Variants in SCNN1B observed in about 807,000 individuals in gnomAD.
SCNN1B encodes epithelial sodium channel subunit beta.
SCNN1B carries 46 observed loss-of-function variants against 65.3 expected under a neutral mutation model. The observed-to-expected ratio is 0.70, with a 90% CI of 0.56 to 0.90. The LOEUF (loss-of-function observed/expected upper bound fraction) is 0.90, where lower values mean the gene tolerates loss of function less well. Ranked by LOEUF, SCNN1B falls within the 40% of genes least tolerant of loss-of-function variation. The pLI is 0.00. For missense variants in SCNN1B, 751 were observed against 830.5 expected, an observed-to-expected ratio of 0.90 and a Z score of 1.18; for synonymous variants, 349 against 330.6, an observed-to-expected ratio of 1.06 and a Z score of -0.60.
intron 1 of SCNN1B, among the ~76,000 whole-genome samples, chr16:23,340,762 A>G (rs1412751008): frequency 1.3e-5 from 2 of 152,202 alleles, no homozygotes; most frequent in Non-Finnish European, 2.9e-5. Context: ...CCTTAATCCA[A>G]TGATCGGTAG....
At chr16:23,303,529 A>C (rs1781457969) in intron 1 of SCNN1B, among the ~76,000 whole-genome samples, 1 of 152,114 alleles carries the variant, frequency 6.6e-6, no homozygotes, top group South Asian at 2.1e-4. Context: ...CCCAAAGGTA[A>C]ACACCTTCAT....
chr16:23,380,935 A>G lies in SCNN1B; in HGVS notation c.*134A>G. 1.0e-6 allele frequency: 1 copy of G among 968,910 alleles called. No individual in the cohort carries two copies. 60.0% of individuals were successfully genotyped at this position (968,910 alleles called of 1,614,324 possible). A position where few individuals can be genotyped will look rare whatever the true frequency, so the allele number is the denominator to read the frequency against. ...CAGGCCAGAGCTTGTGTCCTTCAACAGAGAGGCCAGCGGCAACTGGTCCGT... is the reference window on the plus strand; with the variant it reads ...CAGGCCAGAGCTTGTGTCCTTCAACGGAGAGGCCAGCGGCAACTGGTCCGT... On this transcript the variant is annotated 3_prime_UTR_variant, in exon 13 of 13. Coordinates refer to ENST00000343070, the MANE Select transcript of SCNN1B (RefSeq NM_000336.3). The surrounding 1 kb of genome is among the most constrained non-coding windows in gnomAD (Gnocchi z 5.4).
At chr16:23,338,717 G>A (rs544976877) in intron 1 of SCNN1B, among the ~76,000 whole-genome samples, 6 of 152,180 alleles carry the variant, frequency 3.9e-5, no homozygotes, top group Non-Finnish European at 7.3e-5. Context: ...TCCAAGGAGA[G>A]CAGCTGCTAG....
At chr16:23,295,160 G>A (rs916039311) in intron 2 of SCNN1B, among the ~76,000 whole-genome samples, 2 of 152,092 alleles carry the variant, frequency 1.3e-5, no homozygotes, top group East Asian at 3.8e-4. Flanking sequence ...TTTTTGCCTT[G>A]TTGACCGGTG....
rs762681084 is a variant in SCNN1B, at chr16:23,378,783, G to A, written c.1466+16G>A. On this transcript the variant is annotated intron_variant, in intron 11 of 12. Coordinates refer to ENST00000343070, the MANE Select transcript of SCNN1B (RefSeq NM_000336.3). The stretch of plus-strand genomic sequence containing the variant: ...CCCTGAGCAGGTGAGCCTGAGCCTG[G>A]GCGGGGCTGGGGAAGACAGGGAAGG... 1.2e-6 allele frequency: 2 copies of A among 1,613,668 alleles called. No homozygotes were observed. The highest frequency in any genetic ancestry group is 1.7e-5 in the Admixed American group (1 of 60,012).
At chr16:23,325,349 C>T (rs1016164550) in intron 1 of SCNN1B, among the ~76,000 whole-genome samples, 2 of 152,030 alleles carry the variant, frequency 1.3e-5, no homozygotes, top group African/African-American at 4.8e-5. Flanking sequence ...TCATTGCAAC[C>T]TCCGCCTCCC....
chr16:23,374,920 C>T (rs1430045814), intron 7 of SCNN1B, among the ~76,000 whole-genome samples: 1 of 152,140 alleles, frequency 6.6e-6, no homozygotes, highest in Admixed American at 6.5e-5. Context: ...TCCATCCGTG[C>T]AGCGCTTCCT....
intron 2 of SCNN1B, among the ~76,000 whole-genome samples, chr16:23,287,650 G>T (rs1960868954): frequency 6.6e-6 from 1 of 152,062 alleles, no homozygotes; most frequent in South Asian, 2.1e-4. Flanking sequence ...GGATGAGGAA[G>T]GAGGATCACC....
rs914503919 is a variant in SCNN1B at position 23,339,716 on chromosome 16, G to A, written c.-8-8876G>A. Among the ~76,000 whole-genome samples the A allele has an allele frequency of 3.3e-5, 5 of 151,942 alleles. No homozygotes were observed. The East Asian group carries it at 9.7e-4, about 29-fold the overall frequency. On this transcript the variant is annotated intron_variant, in intron 1 of 12. Coordinates refer to ENST00000343070, the MANE Select transcript of SCNN1B (RefSeq NM_000336.3). Reference sequence around the variant, plus strand: ...AAGTAGCTGGGATTACAGGCGTGTGGCACCACTCCCAGCTAATTTTTTTGT... The same window carrying A: ...AAGTAGCTGGGATTACAGGCGTGTGACACCACTCCCAGCTAATTTTTTTGT...
intron 4 of SCNN1B, among the ~76,000 whole-genome samples, chr16:23,360,336 G>A (rs899200541): frequency 6.6e-6 from 1 of 152,048 alleles, no homozygotes; most frequent in Non-Finnish European, 1.5e-5. Context: ...AGGAGTTTAA[G>A]ACCAACCTGA....
intron 1 of SCNN1B, among the ~76,000 whole-genome samples, chr16:23,344,948 C>T (rs893900316): frequency 6.6e-6 from 1 of 151,948 alleles, no homozygotes; most frequent in Non-Finnish European, 1.5e-5. Context: ...GAGTCAAGAT[C>T]GTGCCACTGC....
Position 23,380,844 on chromosome 16 carries a change from G to A in SCNN1B, c.*43G>A. On this transcript the variant is annotated 3_prime_UTR_variant, in exon 13 of 13. Transcript: ENST00000343070. The surrounding 1 kb of genome is among the most constrained non-coding windows in gnomAD (Gnocchi z 5.4). ...CCGGGCGGCTGAAACTCACTGAGCA[G>A]CCAAGACTGTTGCCCGAGGCCTCAC... The A allele has an allele frequency of 6.2e-7, 1 of 1,608,560 alleles. No individual in the cohort carries two copies. The highest frequency in any genetic ancestry group is 1.1e-5 in the South Asian group (1 of 90,940).
intron 1 of SCNN1B, chr16:23,303,936 A>T (rs1211130225): frequency 1.3e-6 from 1 of 750,420 alleles, no homozygotes; most frequent in Non-Finnish European, 2.3e-6. Flanking sequence ...TAGAACTAGA[A>T]GTAGAAATGG....
Position 23,371,882 on chromosome 16 carries a change from A to G in SCNN1B, c.1151A>G (p.Gln384Arg). The G allele has an allele frequency of 6.2e-7, 1 of 1,607,988 alleles. No individual in the cohort carries two copies. The highest frequency in any genetic ancestry group is 8.5e-7 in the Non-Finnish European group (1 of 1,174,370). The change falls in exon 7 of 13, where the codon CAG becomes CGG. Residue 384 changes from glutamine to arginine, a missense_variant and splice_region_variant. Physicochemically the swap from Gln to Arg is conservative, Grantham distance 43. Transcript: ENST00000343070. ...GACTACAACACGACCTACTCCATCCAGGTGGGAAGGTGGTGCACGCCTCAT... is the reference window on the plus strand; with the variant it reads ...GACTACAACACGACCTACTCCATCCGGGTGGGAAGGTGGTGCACGCCTCAT... Reference protein sequence around the residue: ...YSDYNTTYSIQACLRSCFQDH... With the variant: ...YSDYNTTYSIRACLRSCFQDH...
intron 1 of SCNN1B, among the ~76,000 whole-genome samples, chr16:23,313,099 A>G (rs2141986957): frequency 6.6e-6 from 1 of 151,696 alleles, no homozygotes; most frequent in Non-Finnish European, 1.5e-5. Context: ...GTTTACTGCT[A>G]TTGTCCAAAT....
Position 23,380,558 on chromosome 16 carries a change from G to C in SCNN1B, c.1680G>C (p.Lys560Asn). 6.2e-7 allele frequency: 1 copy of C among 1,614,224 alleles called. No individual in the cohort carries two copies. The highest frequency in any genetic ancestry group is 8.5e-7 in the Non-Finnish European group (1 of 1,180,036). Residue 560 changes from lysine (K) to asparagine (N), a missense_variant, in exon 13 of 13, where the codon AAG (lysine) becomes AAC (asparagine). By Grantham distance (94) the Lys-to-Asn change is moderately conservative. Transcript: ENST00000343070. This position sits in a 1 kb window ranked among gnomAD's most constrained non-coding sequence, Gnocchi z 5.4. ...TCATCAAGCTGGTGGCCTTGGCCAA[G>C]AGCCTACGGCAGCGGCGAGCCCAAG... ...ITIIKLVALA[K>N]SLRQRRAQAS...
At position 23,380,543 on chromosome 16, in the gene SCNN1B, G is replaced by T. The variant is rs751606238; in HGVS notation, c.1665G>T (p.Leu555=). 1.2e-6 allele frequency: 2 copies of T among 1,614,064 alleles called. No individual in the cohort carries two copies. The highest frequency in any genetic ancestry group is 2.2e-5 in the East Asian group (1 of 44,886). The stretch of plus-strand genomic sequence containing the variant: ...TTGTGTGGATCACCATCATCAAGCT[G>T]GTGGCCTTGGCCAAGAGCCTACGGC... The part of the protein sequence containing the change: ...IDFVWITIIK[L]VALAKSLRQR... The change falls in exon 13 of 13, where the codon CTG becomes CTT. Residue 555 remains leucine, a synonymous_variant. Coordinates refer to ENST00000343070, the MANE Select transcript of SCNN1B (RefSeq NM_000336.3). The surrounding 1 kb of genome is among the most constrained non-coding windows in gnomAD (Gnocchi z 5.4).
intron 1 of SCNN1B, among the ~76,000 whole-genome samples, chr16:23,345,523 T>C (rs1962168241): frequency 6.6e-6 from 1 of 152,228 alleles, no homozygotes; most frequent in Non-Finnish European, 1.5e-5. Flanking sequence ...TTCCTCTGTA[T>C]TGGCTTTATT....
At chr16:23,358,910 ACAG>A (rs1962476605) in intron 4 of SCNN1B, among the ~76,000 whole-genome samples, 1 of 152,230 alleles carries the variant, frequency 6.6e-6, no homozygotes. Flanking sequence ...CTCTTAAAAA[ACAG>A]CAACAAAAAC....
Sources: gnomAD v4.1 joint callset for allele counts (sites outside exome capture counted in the v4.1 genomes callset) on GRCh38, gnomAD v4.1.1 for gene constraint, Gnocchi (gnomAD v3.1) non-coding constraint, MANE v1.5 for transcripts, NCBI Gene and HGNC (gene_info 2026-07-23, HGNC 2026-07-21) for gene names.